Variants in BACE2 observed in about 807,000 individuals in gnomAD.
BACE2 encodes 56 kDa aspartic-like protease.
Under a neutral mutation model 46.2 loss-of-function variants are expected in BACE2, and 17 were observed. That is an observed-to-expected ratio of 0.37 (90% CI 0.25 to 0.55). The LOEUF (loss-of-function observed/expected upper bound fraction) is 0.55, where lower values mean the gene tolerates loss of function less well. Ranked by LOEUF, BACE2 falls within the 20% of genes least tolerant of loss-of-function variation. The pLI is 0.82. For synonymous variants in BACE2, 277 were observed against 295.9 expected (o/e 0.94, Z 0.66); for missense variants, 595 against 698.1 (o/e 0.85, Z 1.66).
intron 1 of BACE2, among the ~76,000 whole-genome samples, chr21:41,222,151 G>A (rs1225929997): frequency 6.6e-6 from 1 of 152,218 alleles, no homozygotes; most frequent in Non-Finnish European, 1.5e-5. Context: ...CGTGGAGTGA[G>A]GACTGTGCTG....
chr21:41,210,217 C>T (rs977186550), intron 1 of BACE2, among the ~76,000 whole-genome samples: 1 of 143,736 alleles, frequency 7.0e-6, no homozygotes, highest in Non-Finnish European at 1.5e-5. Flanking sequence ...CTAAGCCCCC[C>T]ACCAACTGAA....
At chr21:41,242,832 A>T (rs1987343925) in intron 4 of BACE2, among the ~76,000 whole-genome samples, 1 of 152,202 alleles carries the variant, frequency 6.6e-6, no homozygotes, top group Admixed American at 6.5e-5. Context: ...AAGCATCTTG[A>T]TTAGATGAGG....
At chr21:41,192,964 T>A (rs1985625048) in intron 1 of BACE2, among the ~76,000 whole-genome samples, 1 of 152,204 alleles carries the variant, frequency 6.6e-6, no homozygotes, top group African/African-American at 2.4e-5. Flanking sequence ...CTAGAAATTT[T>A]ACTGAGGTAG....
rs751710841 is a variant in BACE2, at chr21:41,275,364, T to C, written c.1304-7T>C. ...CAGCTGTGGATTTTCCCTTTCTGTC[T>C]CCCCAGAAATTGCAGGTGCTGCAGT... is the stretch of plus-strand genomic sequence containing the variant. On this transcript the variant is annotated splice_region_variant and splice_polypyrimidine_tract_variant and intron_variant, in intron 8 of 8. Coordinates refer to ENST00000330333, the MANE Select transcript of BACE2 (RefSeq NM_012105.5). 16 of 1,613,860 alleles carry C rather than the reference T, an allele frequency of 9.9e-6. No homozygotes were observed. In the South Asian group the frequency reaches 1.6e-4, roughly 17 times the overall value.
rs968799717 is a variant in BACE2, at chr21:41,276,590, C to G, written c.*966C>G. 6 of 152,208 alleles carry G rather than the reference C, an allele frequency of 3.9e-5. No homozygotes were observed. Among genetic ancestry groups the G allele is most frequent in the African/African-American group, 1.4e-4 (6 of 41,450 alleles). The allele number at this position is 152,208 out of a possible 1,614,324, so 9.4% of individuals were successfully genotyped here. A position where few individuals can be genotyped will look rare whatever the true frequency, so the allele number is the denominator to read the frequency against. On this transcript the variant is annotated 3_prime_UTR_variant, in exon 9 of 9. Transcript: ENST00000330333. ...TAAATCATGTTTTGATGAGAAAAAA[C>G]TATTCTATTTCACTAGCTTAGTTGT...
chr21:41,201,557 T>A (rs1985968948), intron 1 of BACE2, among the ~76,000 whole-genome samples: 1 of 152,210 alleles, frequency 6.6e-6, no homozygotes, highest in Non-Finnish European at 1.5e-5. Context: ...ATCTGGGAAG[T>A]TCATTGATCT....
intron 8 of BACE2, among the ~76,000 whole-genome samples, chr21:41,257,536 G>T (rs1345250041): frequency 6.6e-6 from 1 of 152,192 alleles, no homozygotes; most frequent in Non-Finnish European, 1.5e-5. Flanking sequence ...TCAGTGCTTG[G>T]CACATGGGAA....
intron 1 of BACE2, among the ~76,000 whole-genome samples, chr21:41,196,898 G>A (rs147405976): frequency 3.1e-4 from 47 of 152,246 alleles, no homozygotes; most frequent in South Asian, 6.2e-4. Context: ...TCTTTTGCTT[G>A]CACCCTGCTG....
chr21:41,259,832 T>A (rs1228926461), intron 8 of BACE2, among the ~76,000 whole-genome samples: 1 of 152,082 alleles, frequency 6.6e-6, no homozygotes, highest in Admixed American at 6.5e-5. Context: ...TTTTTTTATT[T>A]TATTTTTTAT....
intron 8 of BACE2, among the ~76,000 whole-genome samples, chr21:41,266,661 C>T (rs1253760013): frequency 6.6e-6 from 1 of 152,200 alleles, no homozygotes; most frequent in Non-Finnish European, 1.5e-5. Context: ...CAGAATTTCC[C>T]GGCTCCTTTC....
At chr21:41,234,394 G>C (rs925683117) in intron 2 of BACE2, among the ~76,000 whole-genome samples, 1 of 152,172 alleles carries the variant, frequency 6.6e-6, no homozygotes, top group South Asian at 2.1e-4. Flanking sequence ...AGCCAAATCT[G>C]ACCTGCTGCC....
chr21:41,191,646 G>A lies in BACE2; in HGVS notation c.312+23071G>A, dbSNP rs62217946. 3.5e-3 allele frequency among the ~76,000 whole-genome samples: 537 copies of A among 152,298 alleles called. 1 individual carries two copies. Among genetic ancestry groups the A allele is most frequent in the Middle Eastern group, 6.8e-3 (2 of 294 alleles). On this transcript the variant is annotated intron_variant, in intron 1 of 8. Coordinates refer to ENST00000330333, the MANE Select transcript of BACE2 (RefSeq NM_012105.5). Reference sequence around the variant, plus strand: ...CTGGCAAACTGGGCACTCAGCAGTGGCCATAGCCAGGTCAGCCTTGGTGAG... The same window carrying A: ...CTGGCAAACTGGGCACTCAGCAGTGACCATAGCCAGGTCAGCCTTGGTGAG...
chr21:41,222,869 A>C (rs1304832457), intron 1 of BACE2, among the ~76,000 whole-genome samples: 1 of 152,164 alleles, frequency 6.6e-6, no homozygotes, highest in African/African-American at 2.4e-5. Flanking sequence ...AGGAAGCCCT[A>C]GGGATCACCT....
intron 1 of BACE2, 131 bp downstream of exon 1, chr21:41,168,706 G>C: frequency 1.5e-6 from 1 of 662,288 alleles, no homozygotes; most frequent in Non-Finnish European, 2.1e-6. Flanking sequence ...AGCGGGGAAC[G>C]CAGAGGGGCT....
chr21:41,221,651 C>T (rs1023652265), intron 1 of BACE2, among the ~76,000 whole-genome samples: 2 of 152,006 alleles, frequency 1.3e-5, no homozygotes, highest in East Asian at 3.9e-4. Flanking sequence ...CGGTGAAACC[C>T]CGTCTCTACT....
chr21:41,260,382 C>T (rs546428395), intron 8 of BACE2, among the ~76,000 whole-genome samples: 5 of 152,208 alleles, frequency 3.3e-5, no homozygotes, highest in East Asian at 3.8e-4. Context: ...TGGGCTCAAG[C>T]GATCCTCCCA....
chr21:41,245,884 G>T (rs1167574441), intron 5 of BACE2, 78 bp from the exon 6 acceptor site: 2 of 1,038,810 alleles, frequency 1.9e-6, no homozygotes, highest in Admixed American at 2.1e-5. Flanking sequence ...CAGACAGATG[G>T]TGATGGCGGC....
intron 1 of BACE2, chr21:41,178,987 G>T: frequency 1.3e-6 from 1 of 799,738 alleles, no homozygotes; most frequent in Non-Finnish European, 1.7e-6. Context: ...AATTTGAGAT[G>T]AGATTGGCTT....
At chr21:41,228,737 C>A (rs2123578774) in intron 2 of BACE2, among the ~76,000 whole-genome samples, 1 of 152,286 alleles carries the variant, frequency 6.6e-6, no homozygotes, top group South Asian at 2.1e-4. Flanking sequence ...CACTGGGGAT[C>A]AAATTTCAAC....
Sources: allele counts gnomAD v4.1 joint callset (sites outside exome capture counted in the v4.1 genomes callset), GRCh38; gene constraint gnomAD v4.1.1; transcripts MANE v1.5; gene names NCBI Gene and HGNC (gene_info 2026-07-23, HGNC 2026-07-21).